The following SAMSN1 variants were observed in gnomAD, a reference collection of about 807,000 sequenced individuals.
SAMSN1 encodes the protein SAM domain-containing protein SAMSN-1.
A neutral mutation model predicts 42.0 loss-of-function variants in SAMSN1; 31 were observed. The observed-to-expected ratio is 0.74, with a 90% confidence interval of 0.55 to 1.00. SAMSN1 has a LOEUF of 1.00. Ranked by LOEUF, SAMSN1 falls within the 50% of genes least tolerant of loss-of-function variation. The pLI, the probability that SAMSN1 is intolerant of heterozygous loss-of-function variation, is 0.00. For missense variants in SAMSN1, 464 were observed against 439.4 expected (o/e 1.06, Z -0.50); for synonymous variants, 178 against 151.9 (o/e 1.17, Z -1.26).
At chr21:14,553,488 T>C (rs1980665085) in intron 2 of SAMSN1, among the ~76,000 whole-genome samples, 1 of 152,196 alleles carries the variant, frequency 6.6e-6, no homozygotes, top group Admixed American at 6.5e-5. Context: ...TAATGTGGTT[T>C]AGTTGTTCTC....
chr21:14,507,322 C>A (rs911676277), intron 5 of SAMSN1, among the ~76,000 whole-genome samples: 4 of 152,188 alleles, frequency 2.6e-5, no homozygotes, highest in Non-Finnish European at 5.9e-5. Context: ...GCTCCTAGAA[C>A]TGATAAAAGA....
intron 7 of SAMSN1, chr21:14,593,909 G>C (rs186123071): frequency 3.1e-6 from 2 of 635,714 alleles, no homozygotes; most frequent in Admixed American, 2.5e-5. Context: ...GCTGAAAACA[G>C]AAGTAATAAA....
chr21:14,574,914 C>A (rs527897418), intron 2 of SAMSN1, among the ~76,000 whole-genome samples: 6 of 151,984 alleles, frequency 3.9e-5, no homozygotes, highest in Non-Finnish European at 8.8e-5. Flanking sequence ...GCATGTCTGG[C>A]GAGACCTTTT....
chr21:14,646,552 G>A (rs1983717507), intron 1 of SAMSN1, among the ~76,000 whole-genome samples: 1 of 152,130 alleles, frequency 6.6e-6, no homozygotes, highest in Non-Finnish European at 1.5e-5. Context: ...GGACAGTAAT[G>A]AGCAATAAAT....
chr21:14,654,144 C>T (rs1336228373), intron 1 of SAMSN1, among the ~76,000 whole-genome samples: 1 of 151,810 alleles, frequency 6.6e-6, no homozygotes, highest in African/African-American at 2.4e-5. Flanking sequence ...CTAGTTATGA[C>T]ATCATCTAGA....
chr21:14,524,142 A>G (rs1211692061), intron 1 of SAMSN1, among the ~76,000 whole-genome samples: 1 of 152,248 alleles, frequency 6.6e-6, no homozygotes, highest in African/African-American at 2.4e-5. Context: ...ACTAATGTCT[A>G]CTATGAGGTC....
intron 1 of SAMSN1, among the ~76,000 whole-genome samples, chr21:14,544,584 T>C (rs1372472365): frequency 6.6e-6 from 1 of 152,204 alleles, no homozygotes; most frequent in Non-Finnish European, 1.5e-5. Flanking sequence ...AAGAATTCAT[T>C]CACAACAAAA....
exon 2 of SAMSN1, chr21:14,643,087 G>A (rs570216057): frequency 2.1e-5 from 15 of 717,310 alleles, no homozygotes; most frequent in Non-Finnish European, 3.4e-5. Flanking sequence ...TTCTTGGTTA[G>A]CTTGTTGCTC....
chr21:14,507,658 C>A (rs1369731849), intron 5 of SAMSN1, among the ~76,000 whole-genome samples: 1 of 152,118 alleles, frequency 6.6e-6, no homozygotes, highest in Non-Finnish European at 1.5e-5. Flanking sequence ...GATTTCCCAT[C>A]AAAATACCAC....
chr21:14,510,213 A>T, intron 5 of SAMSN1, 97 bp downstream of exon 5: 1 of 1,159,674 alleles, frequency 8.6e-7, no homozygotes, highest in Non-Finnish European at 1.3e-6. Flanking sequence ...GGAAGAACAC[A>T]CTCACACTGT....
rs73351706 is a variant in SAMSN1, at chr21:14,617,848, C to G, written c.157-1832G>C. On this transcript the variant is annotated intron_variant, in intron 2 of 15. Transcript: ENST00000647101. ...CTCACAAAATTTATATGCAATCGAG[C>G]AAGAGAGTTTGAATTTGGAAAGAAG... is the stretch of plus-strand genomic sequence containing the variant. Among the ~76,000 whole-genome samples, 921 of 152,274 alleles carry G rather than the reference C, an allele frequency of 6.0e-3. 8 individuals carry two copies. The highest frequency in any genetic ancestry group is 0.02 in the African/African-American group (850 of 41,542).
chr21:14,601,256 G>T (rs1263526693), intron 6 of SAMSN1, among the ~76,000 whole-genome samples: 1 of 152,134 alleles, frequency 6.6e-6, no homozygotes, highest in Non-Finnish European at 1.5e-5. Context: ...AGAGCAGTCA[G>T]CAGAAACTCT....
rs1359804024 is a variant in SAMSN1 at position 14,521,907 on chromosome 21, A to T, written c.58-686T>A. Reference sequence around the variant, plus strand: ...TAAAAGACCAAGTTTGTTTAAAAAAAAAAAAAGAACATAAGTGCATTTTCT... The same window carrying T: ...TAAAAGACCAAGTTTGTTTAAAAAATAAAAAAGAACATAAGTGCATTTTCT... On this transcript the variant is annotated intron_variant, in intron 1 of 7. Coordinates refer to ENST00000400566, the MANE Select transcript of SAMSN1 (RefSeq NM_022136.5). Among the ~76,000 whole-genome samples the T allele has an allele frequency of 3.0e-4, 45 of 152,148 alleles. 1 individual carries two copies. Among genetic ancestry groups the T allele is most frequent in the Non-Finnish European group, 1.5e-5 (1 of 68,016 alleles).
At chr21:14,510,572 G>C in intron 4 of SAMSN1, 111 bp from the exon 5 acceptor site, 1 of 1,249,652 alleles carries the variant, frequency 8.0e-7, no homozygotes, top group South Asian at 1.3e-5. Flanking sequence ...CCAGGCTCCT[G>C]AGGAAGTTCT....
chr21:14,605,306 G>A (rs1208797783), intron 5 of SAMSN1, among the ~76,000 whole-genome samples: 1 of 152,156 alleles, frequency 6.6e-6, no homozygotes, highest in Non-Finnish European at 1.5e-5. Flanking sequence ...AGCCTTCCTC[G>A]GCTATATGAG....
At chr21:14,577,483 AAT>A (rs1981545518) in intron 2 of SAMSN1, among the ~76,000 whole-genome samples, 2 of 151,384 alleles carry the variant, frequency 1.3e-5, no homozygotes, top group African/African-American at 4.9e-5. Context: ...GATTTTGAAA[AAT>A]ATATGTGTTA....
In SAMSN1 at chr21:14,648,622, C is replaced by T. The variant is rs997262531; in HGVS notation, c.25-5489G>A. Among the ~76,000 whole-genome samples the T allele has an allele frequency of 3.4e-3, 523 of 152,042 alleles. 2 individuals carry two copies. The highest frequency in any genetic ancestry group is 0.011 in the African/African-American group (457 of 41,492). ...AAAGTGGGCAAAGGATATGAACAGA[C>T]ACTTCTCAAAAGAAGACATTTATGC... is the stretch of plus-strand genomic sequence containing the variant. On this transcript the variant is annotated intron_variant, in intron 1 of 15. Coordinates refer to the SAMSN1 transcript ENST00000647101.
chr21:14,521,069 A>T, intron 2 of SAMSN1, 81 bp downstream of exon 2: 1 of 862,886 alleles, frequency 1.2e-6, no homozygotes, highest in Non-Finnish European at 1.8e-6. Flanking sequence ...TTCTTATTTT[A>T]CTTTGCAAAA....
At chr21:14,634,070 C>A (rs908144234) in intron 2 of SAMSN1, among the ~76,000 whole-genome samples, 1 of 151,496 alleles carries the variant, frequency 6.6e-6, no homozygotes, top group Admixed American at 6.6e-5. Context: ...TATCATTATC[C>A]CTATTTTACA....
Sources: allele counts gnomAD v4.1 joint callset (sites outside exome capture counted in the v4.1 genomes callset), GRCh38; gene constraint gnomAD v4.1.1; transcripts MANE v1.5; gene names NCBI Gene and HGNC (gene_info 2026-07-23, HGNC 2026-07-21).